The following KIF16B variants were observed in gnomAD, a reference collection of about 807,000 sequenced individuals.
KIF16B encodes kinesin-like protein KIF16B.
A neutral mutation model predicts 156.3 loss-of-function variants in KIF16B; 98 were observed. The ratio of observed to expected loss-of-function variants is 0.63; its 90% CI spans 0.53 to 0.74. The LOEUF (loss-of-function observed/expected upper bound fraction) is 0.74. Ranked by LOEUF, KIF16B falls within the 30% of genes least tolerant of loss-of-function variation. The probability of loss-of-function intolerance (pLI) is 0.00; values close to 1 mark genes in which losing one functional copy is unlikely to be tolerated. For synonymous variants in KIF16B, 564 were observed against 583.7 expected (o/e 0.97, Z 0.49); for missense variants, 1,421 against 1,606.5 (o/e 0.88, Z 1.97).
intron 22 of KIF16B, among the ~76,000 whole-genome samples, chr20:16,363,518 A>T (rs937587656): frequency 1.3e-5 from 2 of 152,196 alleles, no homozygotes; most frequent in African/African-American, 4.8e-5. Context: ...TAGTAGTAGT[A>T]CATATCCTGA....
chr20:16,424,048 C>A (rs2066291290), intron 15 of KIF16B, among the ~76,000 whole-genome samples: 1 of 152,066 alleles, frequency 6.6e-6, no homozygotes, highest in Admixed American at 6.6e-5. Flanking sequence ...CTGGAAATAA[C>A]CTGCCCCTCC....
rs546013470 is a variant in KIF16B, at chr20:16,457,693, T to C, written c.1303-27711A>G. ...AATCCGTTGAAAGGCCTTTGCCTCA[T>C]GGAATCTTACAGTTTCCAGCTCAGT... On this transcript the variant is annotated intron_variant, in intron 12 of 25. Coordinates refer to ENST00000354981, the MANE Select transcript of KIF16B (RefSeq NM_024704.5). Among the ~76,000 whole-genome samples, 6 of 152,260 alleles carry C rather than the reference T, an allele frequency of 3.9e-5. No homozygotes were observed. The South Asian group carries it at 1.2e-3, about 32-fold the overall frequency.
chr20:16,444,312 C>T (rs372854025), intron 12 of KIF16B, among the ~76,000 whole-genome samples: 3 of 152,156 alleles, frequency 2.0e-5, no homozygotes, highest in Admixed American at 6.5e-5. Flanking sequence ...CCAAATAAGG[C>T]TGTCTGCCTG....
chr20:16,315,506 T>C (rs529177583), intron 24 of KIF16B, among the ~76,000 whole-genome samples: 1 of 152,286 alleles, frequency 6.6e-6, no homozygotes, highest in East Asian at 1.9e-4. Context: ...TTTGGGGATC[T>C]AGGGTAAAGA....
intron 12 of KIF16B, among the ~76,000 whole-genome samples, chr20:16,474,898 C>A (rs958176299): frequency 4.6e-5 from 7 of 152,182 alleles, no homozygotes; most frequent in African/African-American, 1.7e-4. Context: ...CCAGTTAACT[C>A]TTATTAATTA....
At chr20:16,553,719 C>T (rs1568680107) in intron 1 of KIF16B, among the ~76,000 whole-genome samples, 2 of 152,224 alleles carry the variant, frequency 1.3e-5, no homozygotes, top group African/African-American at 4.8e-5. Context: ...AGATTCTTCT[C>T]CACATTCATA....
At chr20:16,317,470 A>T (rs1177092867) in intron 24 of KIF16B, among the ~76,000 whole-genome samples, 1 of 152,184 alleles carries the variant, frequency 6.6e-6, no homozygotes, top group African/African-American at 2.4e-5. Flanking sequence ...TTTCTGTAAG[A>T]TTTCATTTTC....
At chr20:16,444,526 G>A (rs146916378) in intron 12 of KIF16B, among the ~76,000 whole-genome samples, 64 of 152,228 alleles carry the variant, frequency 4.2e-4, no homozygotes, top group African/African-American at 8.9e-4. Context: ...GTGTAGTACC[G>A]TGGAGTACTT....
Position 16,507,986 on chromosome 20 carries a change from T to C in KIF16B, c.671A>G (p.His224Arg), listed in dbSNP as rs1332568905. 6.2e-7 allele frequency: 1 copy of C among 1,608,916 alleles called. No individual in the cohort carries two copies. The highest frequency in any genetic ancestry group is 1.3e-5 in the African/African-American group (1 of 74,806). ...TGMNDVSSRS[H>R]AIFTIKFTQA... ...AGTGAACTTGATGGTGAAGATGGCA[T>C]GAGACCTGCTACTGACGTCGTTCAT... Residue 224 changes from histidine (H) to arginine (R), a missense_variant, in exon 7 of 26, where the codon CAT becomes CGT. Physicochemically the swap from His to Arg is conservative, Grantham distance 29. Transcript: ENST00000354981.
rs1335358108 is a variant in KIF16B, at chr20:16,380,093, C to T, written c.1909G>A (p.Val637Met). Residue 637 changes from valine (V) to methionine (M), a missense_variant, in exon 19 of 26, where the codon GTG (valine) becomes ATG (methionine). Val to Met is a conservative substitution (Grantham distance 21). Coordinates refer to ENST00000354981, the MANE Select transcript of KIF16B (RefSeq NM_024704.5). ...TCTGTCTCCTTGCGCTGGGTCTCCA[C>T]CTCCTGCTGCATCCGCTCCAGTTCA... ...KAELERMQQE[V>M]ETQRKETEIV... 2 of 1,530,750 alleles carry T rather than the reference C, an allele frequency of 1.3e-6. No homozygotes were observed. The highest frequency in any genetic ancestry group is 8.7e-7 in the Non-Finnish European group (1 of 1,144,480). The allele number at this position is 1,530,750 out of a possible 1,614,324, so 94.8% of individuals were successfully genotyped here.
chr20:16,376,675 G>A (rs967593295), intron 19 of KIF16B, among the ~76,000 whole-genome samples: 5 of 152,180 alleles, frequency 3.3e-5, no homozygotes, highest in African/African-American at 1.2e-4. Context: ...CACTCCCATT[G>A]TGTAATCACT....
At chr20:16,494,756 T>C (rs1023699961) in intron 11 of KIF16B, among the ~76,000 whole-genome samples, 3 of 152,240 alleles carry the variant, frequency 2.0e-5, no homozygotes, top group Admixed American at 2.0e-4. Flanking sequence ...TGTGATTAAA[T>C]CACCTTGGAT....
intron 22 of KIF16B, among the ~76,000 whole-genome samples, chr20:16,359,581 A>T (rs2064510564): frequency 6.6e-6 from 1 of 151,664 alleles, no homozygotes; most frequent in Non-Finnish European, 1.5e-5. Context: ...CTCCATTTCT[A>T]AGAATGTACC....
chr20:16,489,228 G>C (rs1035178981), intron 12 of KIF16B, among the ~76,000 whole-genome samples: 4 of 152,146 alleles, frequency 2.6e-5, no homozygotes, highest in African/African-American at 9.7e-5. Context: ...TTGGAGAAGA[G>C]GTACCTGCTG....
At chr20:16,312,265 G>T in intron 25 of KIF16B, 70 bp downstream of exon 25, 1 of 1,143,052 alleles carries the variant, frequency 8.7e-7, no homozygotes, top group Non-Finnish European at 1.3e-6. Context: ...GTATTTAACA[G>T]AAACAATTCT....
At chr20:16,372,388 G>T (rs917647487) in intron 20 of KIF16B, among the ~76,000 whole-genome samples, 1 of 152,126 alleles carries the variant, frequency 6.6e-6, no homozygotes, top group Admixed American at 6.5e-5. Flanking sequence ...AAATGCCTAG[G>T]ACAGGCCCAA....
chr20:16,425,020 T>C (rs1330460321), intron 15 of KIF16B, among the ~76,000 whole-genome samples: 3 of 152,076 alleles, frequency 2.0e-5, no homozygotes, highest in Non-Finnish European at 2.9e-5. Flanking sequence ...GTTGTAAAGG[T>C]TGTACACAAA....
At chr20:16,412,524 T>G (rs2065983725) in intron 15 of KIF16B, among the ~76,000 whole-genome samples, 1 of 152,128 alleles carries the variant, frequency 6.6e-6, no homozygotes, top group Non-Finnish European at 1.5e-5. Flanking sequence ...TCAGCATAGC[T>G]GAAGAGACCT....
Position 16,280,869 on chromosome 20 carries a change from C to CGT in KIF16B, c.3796-7459_3796-7458insAC, listed in dbSNP as rs1019319759. Among the ~76,000 whole-genome samples, 27 of 90,768 alleles carry CGT rather than the reference C, an allele frequency of 3.0e-4. No homozygotes were observed. The East Asian group carries it at 3.5e-3, about 12-fold the overall frequency. The allele number at this position is 90,768 out of a possible 152,430, so 59.5% of individuals were successfully genotyped here. On this transcript the variant is annotated intron_variant, in intron 25 of 25. Transcript: ENST00000354981. The stretch of plus-strand genomic sequence containing the variant: ...GTGTGTGTGTGTGTGTGTGTGTGTG[C>CGT]GCAGAAAATGCAAGCATGAGAATTT...
Sources: allele counts gnomAD v4.1 joint callset (sites outside exome capture counted in the v4.1 genomes callset), GRCh38; gene constraint gnomAD v4.1.1; transcripts MANE v1.5; gene names NCBI Gene and HGNC (gene_info 2026-07-23, HGNC 2026-07-21).